SMYD3: variants seen among roughly 807,000 people sequenced by gnomAD.
SMYD3 encodes SET and MYND domain containing 3.
In SMYD3, 36 loss-of-function variants were observed where a neutral mutation model predicts 57.7. The observed-to-expected ratio is 0.62, with a 90% CI of 0.48 to 0.82. SMYD3 has a LOEUF of 0.82. SMYD3 is among the 40% of genes least tolerant of loss of function. SMYD3 has a pLI of 0.00. For synonymous variants in SMYD3, 211 were observed against 195.0 expected (o/e 1.08, Z -0.68); for missense variants, 515 against 538.8 (o/e 0.96, Z 0.44).
At chr1:245,801,866 A>G (rs2047883138) in intron 10 of SMYD3, among the ~76,000 whole-genome samples, 1 of 152,162 alleles carries the variant, frequency 6.6e-6, no homozygotes, top group Non-Finnish European at 1.5e-5. Flanking sequence ...CTACAAAAAC[A>G]ACGACACATG....
chr1:245,809,238 G>A (rs2048333754), intron 10 of SMYD3, among the ~76,000 whole-genome samples: 1 of 152,148 alleles, frequency 6.6e-6, no homozygotes, highest in South Asian at 2.1e-4. Context: ...AGGCAAATAA[G>A]AGAAGAAAAA....
intron 5 of SMYD3, among the ~76,000 whole-genome samples, chr1:246,033,915 C>T (rs917232580): frequency 7.2e-5 from 11 of 152,058 alleles, no homozygotes; most frequent in Non-Finnish European, 1.5e-5. Context: ...TTACAAAGTC[C>T]TCTCTGTGTT....
chr1:245,756,123 C>T (rs1424216453), intron 11 of SMYD3, among the ~76,000 whole-genome samples: 1 of 148,204 alleles, frequency 6.7e-6, no homozygotes, highest in Admixed American at 6.8e-5. Flanking sequence ...TATACACACA[C>T]ATATATATGT....
intron 5 of SMYD3, among the ~76,000 whole-genome samples, chr1:246,188,122 T>G (rs980446977): frequency 6.6e-6 from 1 of 152,242 alleles, no homozygotes; most frequent in Non-Finnish European, 1.5e-5. Flanking sequence ...CTGACCTTCA[T>G]GTTTTCTCCC....
chr1:245,886,885 G>A (rs4382691), intron 8 of SMYD3, among the ~76,000 whole-genome samples: 151,350 of 152,264 alleles, frequency 0.99, 75,233 homozygotes, highest in Middle Eastern at 1. Context: ...CCCAGCATAG[G>A]CCATCCCTCA....
chr1:246,062,230 A>C (rs2060267048), intron 5 of SMYD3, among the ~76,000 whole-genome samples: 1 of 152,096 alleles, frequency 6.6e-6, no homozygotes, highest in African/African-American at 2.4e-5. Flanking sequence ...GGGAGAAAAA[A>C]ATCCACAGAA....
chr1:245,897,541 A>G (rs2053900711), intron 8 of SMYD3, among the ~76,000 whole-genome samples: 1 of 152,204 alleles, frequency 6.6e-6, no homozygotes, highest in African/African-American at 2.4e-5. Flanking sequence ...ACAAACCATC[A>G]AAGAGATATG....
rs746704035 is a variant in SMYD3, at chr1:245,947,473, T to A, written c.532-17536A>T. 6.4e-5 allele frequency: 29 copies of A among 455,232 alleles called. 1 individual carries two copies. The Middle Eastern group carries it at 1.3e-3, about 21-fold the overall frequency. 28.2% of individuals were successfully genotyped at this position (455,232 alleles called of 1,614,324 possible). ...TGCCTTCTGCTACCCCATGTCACCG[T>A]ATTTTAAAACATCAGGGATTCAGTT... On this transcript the variant is annotated intron_variant, in intron 5 of 11. Coordinates refer to ENST00000490107, the MANE Select transcript of SMYD3 (RefSeq NM_001167740.2).
chr1:245,952,286 T>G (rs1297418660), intron 5 of SMYD3, among the ~76,000 whole-genome samples: 2 of 151,160 alleles, frequency 1.3e-5, no homozygotes, highest in East Asian at 3.9e-4. Flanking sequence ...CTTTGGGAAA[T>G]GAAGCAAAAT....
At chr1:245,782,186 T>A (rs895456117) in intron 10 of SMYD3, among the ~76,000 whole-genome samples, 1 of 152,152 alleles carries the variant, frequency 6.6e-6, no homozygotes, top group African/African-American at 2.4e-5. Flanking sequence ...AATTAGAGAA[T>A]CAAATCCCTA....
In SMYD3 at chr1:246,441,238, C is replaced by T. The variant is rs561693611; in HGVS notation, c.164+65816G>A. Among the ~76,000 whole-genome samples, 28 of 152,210 alleles carry T rather than the reference C, an allele frequency of 1.8e-4. No individual in the cohort carries two copies. In the East Asian group the frequency reaches 4.4e-3, roughly 24 times the overall value. On this transcript the variant is annotated intron_variant, in intron 1 of 11. Transcript: ENST00000490107. ...CACGCTGAGCCAGTTCTTTCTTGGTCGTCATTTGTGTACGTTTCCTTACTA... is the reference window on the plus strand; with the variant it reads ...CACGCTGAGCCAGTTCTTTCTTGGTTGTCATTTGTGTACGTTTCCTTACTA...
intron 5 of SMYD3, among the ~76,000 whole-genome samples, chr1:246,079,438 T>A (rs893471176): frequency 6.6e-6 from 1 of 152,222 alleles, no homozygotes; most frequent in Non-Finnish European, 1.5e-5. Flanking sequence ...ATTAGAAATA[T>A]GATAAATTTA....
At chr1:246,361,470 A>G (rs2065985669) in intron 1 of SMYD3, among the ~76,000 whole-genome samples, 1 of 152,252 alleles carries the variant, frequency 6.6e-6, no homozygotes, top group Admixed American at 6.5e-5. Flanking sequence ...AAAAGAAGTC[A>G]TTATACAAAA....
intron 5 of SMYD3, among the ~76,000 whole-genome samples, chr1:246,063,659 CTT>C (rs956680285): frequency 6.9e-6 from 1 of 145,094 alleles, no homozygotes; most frequent in Non-Finnish European, 1.5e-5. Context: ...CTCTCTCTCT[CTT>C]AACAGTCTTC....
intron 5 of SMYD3, among the ~76,000 whole-genome samples, chr1:246,018,763 G>A (rs942102407): frequency 6.9e-6 from 1 of 145,420 alleles, no homozygotes; most frequent in South Asian, 2.2e-4. Context: ...GCACCACCAT[G>A]CTGGCTTTTT....
At chr1:246,490,960 T>C (rs945430031) in intron 1 of SMYD3, among the ~76,000 whole-genome samples, 1 of 136,342 alleles carries the variant, frequency 7.3e-6, no homozygotes, top group African/African-American at 2.5e-5. Context: ...GTACCTGTTA[T>C]ACACAAAATA....
Position 245,947,330 on chromosome 1 carries a change from T to C in SMYD3, c.532-17393A>G, listed in dbSNP as rs181778837. The C allele has an allele frequency of 1.2e-3, 547 of 456,074 alleles. 3 individuals carry two copies. The highest frequency in any genetic ancestry group is 9.9e-3 in the African/African-American group (497 of 50,112). The allele number at this position is 456,074 out of a possible 1,614,324, so 28.3% of individuals were successfully genotyped here. On this transcript the variant is annotated intron_variant, in intron 5 of 11. Coordinates refer to ENST00000490107, the MANE Select transcript of SMYD3 (RefSeq NM_001167740.2). ...ACTCTGTCATGTGAATGTCACAGTA[T>C]TTGCAGGAATTCATACACGGCACAA...
At chr1:246,364,726 C>T (rs774875386) in intron 1 of SMYD3, among the ~76,000 whole-genome samples, 1 of 152,102 alleles carries the variant, frequency 6.6e-6, no homozygotes, top group South Asian at 2.1e-4. Flanking sequence ...AAAGCAACAT[C>T]AAAAAATTCC....
At position 246,090,518 on chromosome 1, in the gene SMYD3, C is replaced by CTTTTTT. The variant is rs143885627; in HGVS notation, c.532-160582_532-160581insAAAAAA. 1.6e-5 allele frequency among the ~76,000 whole-genome samples: 2 copies of CTTTTTT among 121,766 alleles called. 1 individual carries two copies. Among genetic ancestry groups the CTTTTTT allele is most frequent in the Non-Finnish European group, 3.2e-5 (2 of 62,214 alleles). 79.9% of individuals were successfully genotyped at this position (121,766 alleles called of 152,430 possible). A position where few individuals can be genotyped will look rare whatever the true frequency, so the allele number is the denominator to read the frequency against. On this transcript the variant is annotated intron_variant, in intron 5 of 11. Coordinates refer to ENST00000490107, the MANE Select transcript of SMYD3 (RefSeq NM_001167740.2). Reference sequence around the variant, plus strand: ...GAGAGAGAGCTGTTTTTCTTTCTCTCTCTCTTTTTTTTTTTTTTAGATGGA... The same window carrying CTTTTTT: ...GAGAGAGAGCTGTTTTTCTTTCTCTCTTTTTTTCTCTTTTTTTTTTTTTTAGATGGA...
Sources: gnomAD v4.1 joint callset for allele counts (sites outside exome capture counted in the v4.1 genomes callset) on GRCh38, gnomAD v4.1.1 for gene constraint, MANE v1.5 for transcripts, NCBI Gene and HGNC (gene_info 2026-07-23, HGNC 2026-07-21) for gene names.